The following SLC36A3 variants were observed in gnomAD, a reference collection of about 807,000 sequenced individuals.
SLC36A3 encodes proton-coupled amino acid transporter 3.
In SLC36A3, 35 loss-of-function variants were observed where a neutral mutation model predicts 44.3. That is an observed-to-expected ratio of 0.79 (90% CI 0.60 to 1.05). SLC36A3 has a LOEUF of 1.05. SLC36A3 is among the 50% of genes least tolerant of loss of function. The pLI, the probability that SLC36A3 is intolerant of heterozygous loss-of-function variation, is 0.00. For missense variants in SLC36A3, 540 were observed against 578.7 expected, an observed-to-expected ratio of 0.93 and a Z score of 0.69; for synonymous variants, 211 against 227.6, an observed-to-expected ratio of 0.93 and a Z score of 0.66.
In SLC36A3 at chr5:151,277,209, A is replaced by G. The variant is rs1437513316; in HGVS notation, c.*184T>C. ...CAAAAGGCCATCCAAAAAATATAAA[A>G]CCAAAAGAGGTGTAGCCTGAGAGAC... is the stretch of plus-strand genomic sequence containing the variant. On this transcript the variant is annotated 3_prime_UTR_variant, in exon 10 of 10. Transcript: ENST00000335230. 2.4e-5 allele frequency: 19 copies of G among 801,782 alleles called. No individual in the cohort carries two copies. Among genetic ancestry groups the G allele is most frequent in the African/African-American group, 3.5e-5 (2 of 57,556 alleles). The allele number at this position is 801,782 out of a possible 1,614,324, so 49.7% of individuals were successfully genotyped here. A position where few individuals can be genotyped will look rare whatever the true frequency, so the allele number is the denominator to read the frequency against.
chr5:151,302,938 A>G (rs1202321848), intron 1 of SLC36A3, among the ~76,000 whole-genome samples: 1 of 151,966 alleles, frequency 6.6e-6, no homozygotes, highest in Non-Finnish European at 1.5e-5. Flanking sequence ...AAAGAAAGGG[A>G]GGAAGGAAAG....
At chr5:151,298,951 C>T (rs1487001169) in intron 1 of SLC36A3, among the ~76,000 whole-genome samples, 1 of 152,134 alleles carries the variant, frequency 6.6e-6, no homozygotes, top group African/African-American at 2.4e-5. Flanking sequence ...GGATAACACT[C>T]TAGTACTGGT....
In SLC36A3 at chr5:151,283,931, C is replaced by T; in HGVS notation, c.974+113G>A. The T allele has an allele frequency of 5.2e-6, 7 of 1,341,632 alleles. No individual in the cohort carries two copies. The South Asian group carries it at 1.1e-4, about 22-fold the overall frequency. The allele number at this position is 1,341,632 out of a possible 1,614,324, so 83.1% of individuals were successfully genotyped here. On this transcript the variant is annotated intron_variant, in intron 8 of 9. Transcript: ENST00000335230. ...GTGTGAGCAGGAGAGACATATGTCA[C>T]TTCCAGTGATGGATTACCAGCTTCA...
intron 4 of SLC36A3, 126 bp downstream of exon 4, chr5:151,293,238 G>A (rs889674726): frequency 2.5e-6 from 2 of 785,404 alleles, no homozygotes; most frequent in Non-Finnish European, 4.0e-6. Context: ...GGTTATCGAG[G>A]TGATTCTCTC....
At chr5:151,300,585 C>T (rs982074282) in intron 1 of SLC36A3, among the ~76,000 whole-genome samples, 1 of 152,150 alleles carries the variant, frequency 6.6e-6, no homozygotes, top group Non-Finnish European at 1.5e-5. Flanking sequence ...ATGACAGCAT[C>T]GATGTCTTGC....
intron 1 of SLC36A3, among the ~76,000 whole-genome samples, 171 bp downstream of exon 1, chr5:151,303,056 C>G (rs140893011): frequency 5.8e-4 from 89 of 152,298 alleles, no homozygotes; most frequent in African/African-American, 2.1e-3. Flanking sequence ...GGCTAGTAGC[C>G]AGAGCCACAG....
chr5:151,296,615 G>GAT (rs1258030505), intron 2 of SLC36A3: 2 of 304,760 alleles, frequency 6.6e-6, no homozygotes, highest in Non-Finnish European at 1.2e-5. Context: ...CTTCCTCCAA[G>GAT]ATGATTGAGG....
chr5:151,293,840 C>T (rs1754852424), intron 3 of SLC36A3, among the ~76,000 whole-genome samples: 2 of 152,292 alleles, frequency 1.3e-5, no homozygotes, highest in Middle Eastern at 6.8e-3. Context: ...GGTGTCAGAA[C>T]ACTCGAGATC....
chr5:151,282,816 T>C (rs901937286), intron 8 of SLC36A3, among the ~76,000 whole-genome samples: 7 of 152,208 alleles, frequency 4.6e-5, no homozygotes, highest in African/African-American at 1.7e-4. Flanking sequence ...AAACAGTGTG[T>C]CGATGCATGC....
chr5:151,303,368 G>A lies in SLC36A3; in HGVS notation c.-14C>T, dbSNP rs1300821304. ...AAGCAATGACATCTTCAACACGGTGGGTAGGTGGCAGAGGCTCAGGGTTAA... is the reference window on the plus strand; with the variant it reads ...AAGCAATGACATCTTCAACACGGTGAGTAGGTGGCAGAGGCTCAGGGTTAA... On this transcript the variant is annotated 5_prime_UTR_variant, in exon 1 of 10. Transcript: ENST00000335230. 6.2e-7 allele frequency: 1 copy of A among 1,610,360 alleles called. No individual in the cohort carries two copies. Among genetic ancestry groups the A allele is most frequent in the South Asian group, 1.1e-5 (1 of 90,596 alleles).
chr5:151,288,457 A>G lies in SLC36A3; in HGVS notation c.418T>C (p.Phe140Leu). The G allele has an allele frequency of 6.3e-7, 1 of 1,579,850 alleles. No homozygotes were observed. The highest frequency in any genetic ancestry group is 1.2e-5 in the South Asian group (1 of 84,444). ...CCCAGCTGGGTGATGACTAATAAGA[A>G]GCTGACAGTGTACCTGGGAAGGAAA... ...HAVWGRYTVSFLLVITQLGFC... is the reference protein window; with the variant it reads ...HAVWGRYTVSLLLVITQLGFC... The change falls in exon 5 of 10, where the codon TTC (phenylalanine) becomes CTC (leucine). Residue 140 changes from phenylalanine (F) to leucine (L), a missense_variant. Transcript: ENST00000335230.
intron 2 of SLC36A3, among the ~76,000 whole-genome samples, 178 bp downstream of exon 2, chr5:151,298,415 T>C (rs2431072): frequency 0.7 from 106,121 of 152,002 alleles, 38,900 homozygotes; most frequent in East Asian, 0.98. Flanking sequence ...TGTGCCCCCT[T>C]CAGGGATGCT....
chr5:151,277,648 G>T lies in SLC36A3; in HGVS notation c.1158C>A (p.Ile386=), dbSNP rs1754146008. ...ALVCLTCVSA[I]LIPRLDLVIS... is the part of the protein sequence containing the mutation. ...TGACCAAGTCCAGGCGGGGGATGAGGATGGCTGAGACACCTGCAATGAAAG... is the reference window on the plus strand; with the variant it reads ...TGACCAAGTCCAGGCGGGGGATGAGTATGGCTGAGACACCTGCAATGAAAG... The change falls in exon 10 of 10, where the codon ATC becomes ATA. Residue 386 remains isoleucine (I), a synonymous_variant. Transcript: ENST00000335230. 1 of 1,614,004 alleles carries T rather than the reference G, an allele frequency of 6.2e-7. No homozygotes were observed.
intron 4 of SLC36A3, among the ~76,000 whole-genome samples, chr5:151,292,849 T>C (rs1754807795): frequency 6.6e-6 from 1 of 151,960 alleles, no homozygotes; most frequent in Non-Finnish European, 1.5e-5. Context: ...CCAGGCGTGG[T>C]GGTGGGCGCC....
intron 5 of SLC36A3, 84 bp from the exon 6 acceptor site, chr5:151,287,548 G>T (rs1450161768): frequency 2.4e-5 from 32 of 1,345,618 alleles, no homozygotes; most frequent in African/African-American, 2.9e-5. Context: ...GGTAATTAAT[G>T]TAACTTTTTA....
intron 6 of SLC36A3, among the ~76,000 whole-genome samples, chr5:151,285,067 C>G (rs183015167): frequency 4.5e-4 from 68 of 152,250 alleles, no homozygotes; most frequent in African/African-American, 1.6e-3. Flanking sequence ...CCTCCTGGCA[C>G]CCCCTGCTCT....
chr5:151,292,403 C>T (rs1165044467), intron 4 of SLC36A3, among the ~76,000 whole-genome samples: 1 of 152,140 alleles, frequency 6.6e-6, no homozygotes, highest in Non-Finnish European at 1.5e-5. Flanking sequence ...CTGGGGAAGG[C>T]TCCAATGTTA....
intron 1 of SLC36A3, among the ~76,000 whole-genome samples, chr5:151,301,809 G>A (rs921334140): frequency 1.3e-5 from 2 of 151,534 alleles, no homozygotes; most frequent in Non-Finnish European, 2.9e-5. Context: ...CAATTCCCCT[G>A]TCTTGATAAA....
intron 1 of SLC36A3, among the ~76,000 whole-genome samples, chr5:151,301,108 A>C (rs1262036490): frequency 6.6e-6 from 1 of 152,218 alleles, no homozygotes; most frequent in African/African-American, 2.4e-5. Context: ...AAGAAATCAG[A>C]CCTAACCAAC....
Sources: allele counts gnomAD v4.1 joint callset (sites outside exome capture counted in the v4.1 genomes callset), GRCh38; gene constraint gnomAD v4.1.1; transcripts MANE v1.5; gene names NCBI Gene and HGNC (gene_info 2026-07-23, HGNC 2026-07-21).